The following TENM4 variants were observed in gnomAD, a reference collection of about 807,000 sequenced individuals.
TENM4 encodes the protein teneurin transmembrane protein 4, also known as teneurin-4.
A neutral mutation model predicts 243.3 loss-of-function variants in TENM4; 82 were observed. The observed-to-expected ratio is 0.34, with a 90% CI of 0.28 to 0.40. The LOEUF (loss-of-function observed/expected upper bound fraction) is 0.40. Ranked by LOEUF, TENM4 falls within the 10% of genes least tolerant of loss-of-function variation. The pLI, the probability that TENM4 is intolerant of heterozygous loss-of-function variation, is 1.00. For missense variants in TENM4, 3,138 were observed against 3,673.3 expected (o/e 0.85, Z 3.77); for synonymous variants, 1,412 against 1,456.3 (o/e 0.97, Z 0.69).
chr11:79,289,592 TGCA>T (rs1297707375), intron 2 of TENM4, among the ~76,000 whole-genome samples: 2 of 152,246 alleles, frequency 1.3e-5, no homozygotes, highest in African/African-American at 4.8e-5. Context: ...GTGATTGCTT[TGCA>T]GCTCAACTCC....
chr11:79,321,290 T>C (rs1160664244), intron 1 of TENM4, among the ~76,000 whole-genome samples: 2 of 152,130 alleles, frequency 1.3e-5, no homozygotes, highest in South Asian at 4.2e-4. Context: ...GCCTTCAGAC[T>C]CAACACATGC....
chr11:78,951,581 C>T (rs2705232), intron 6 of TENM4, among the ~76,000 whole-genome samples: 3 of 152,162 alleles, frequency 2.0e-5, no homozygotes, highest in Admixed American at 1.3e-4. Flanking sequence ...GATCAAGGTT[C>T]TGATGGGATT....
chr11:78,793,722 T>G (rs627195), intron 15 of TENM4, among the ~76,000 whole-genome samples: 129,862 of 152,250 alleles, frequency 0.85, 56,166 homozygotes, highest in African/African-American at 0.91. Context: ...TTAAATTCTC[T>G]CAATAGTCCT....
At chr11:78,867,867 T>C (rs776288650) in intron 9 of TENM4, among the ~76,000 whole-genome samples, 1 of 152,124 alleles carries the variant, frequency 6.6e-6, no homozygotes, top group Non-Finnish European at 1.5e-5. Context: ...CTCAGGACCC[T>C]GTGCTCCCAA....
chr11:78,850,580 A>C (rs1207441772), intron 12 of TENM4, among the ~76,000 whole-genome samples: 1 of 152,254 alleles, frequency 6.6e-6, no homozygotes, highest in African/African-American at 2.4e-5. Flanking sequence ...AGCGGGATTA[A>C]TAGCAACATC....
intron 4 of TENM4, among the ~76,000 whole-genome samples, chr11:79,110,868 C>G (rs1251506460): frequency 3.3e-5 from 5 of 152,222 alleles, no homozygotes; most frequent in Non-Finnish European, 7.3e-5. Context: ...GGGCTCTGCA[C>G]TATGCAAGAT....
intron 6 of TENM4, among the ~76,000 whole-genome samples, chr11:79,057,180 T>A (rs947277130): frequency 4.6e-5 from 7 of 152,128 alleles, no homozygotes; most frequent in Admixed American, 4.6e-4. Flanking sequence ...CAACACAGCT[T>A]CCAGAATCAT....
chr11:79,216,124 T>G (rs967401380), intron 2 of TENM4, among the ~76,000 whole-genome samples: 3 of 152,210 alleles, frequency 2.0e-5, no homozygotes, highest in African/African-American at 7.2e-5. Context: ...CCTGAGAGGC[T>G]CAAATGTACC....
Position 78,726,251 on chromosome 11 carries a change from A to G in TENM4, c.3407-29T>C, listed in dbSNP as rs149958893. The G allele has an allele frequency of 1.4e-4, 226 of 1,610,268 alleles. No homozygotes were observed. In the African/African-American group the frequency reaches 2.1e-3, roughly 15 times the overall value. ...TAGGTGACAGAATGAGGCAAAATGC[A>G]TAAGTGAGCAAAGCCCACTCTTTGG... is the stretch of plus-strand genomic sequence containing the variant. On this transcript the variant is annotated intron_variant, in intron 22 of 33. Transcript: ENST00000278550.
intron 6 of TENM4, among the ~76,000 whole-genome samples, chr11:78,999,765 C>G (rs1047129228): frequency 6.6e-6 from 1 of 151,598 alleles, no homozygotes; most frequent in African/African-American, 2.4e-5. Flanking sequence ...CAACATTAAG[C>G]CCAACAACAA....
chr11:78,873,044 C>T (rs995433470), intron 9 of TENM4, among the ~76,000 whole-genome samples: 18 of 152,180 alleles, frequency 1.2e-4, no homozygotes, highest in Admixed American at 1.1e-3. Context: ...TTCAAAATAG[C>T]ACTTTAAAAT....
chr11:79,005,725 G>T (rs1485118699), intron 6 of TENM4, among the ~76,000 whole-genome samples: 1 of 152,120 alleles, frequency 6.6e-6, no homozygotes, highest in Non-Finnish European at 1.5e-5. Flanking sequence ...ATCCAACACA[G>T]TTCTTGAAGT....
chr11:79,220,043 C>T (rs1864128065), intron 2 of TENM4, among the ~76,000 whole-genome samples: 1 of 152,194 alleles, frequency 6.6e-6, no homozygotes, highest in Non-Finnish European at 1.5e-5. Flanking sequence ...GATACAGAAA[C>T]CCGGGAGAAA....
At chr11:79,199,775 GT>G (rs1308025808) in intron 3 of TENM4, among the ~76,000 whole-genome samples, 1 of 152,180 alleles carries the variant, frequency 6.6e-6, no homozygotes, top group Non-Finnish European at 1.5e-5. Context: ...GTCCCGGAGG[GT>G]TTAGTCCCAG....
intron 9 of TENM4, among the ~76,000 whole-genome samples, chr11:78,876,328 C>T (rs1314713358): frequency 1.3e-5 from 2 of 152,220 alleles, no homozygotes. Flanking sequence ...TAGTTTTATA[C>T]TGAAAGTCTT....
At chr11:78,751,934 T>G (rs1856199452) in intron 19 of TENM4, among the ~76,000 whole-genome samples, 1 of 152,082 alleles carries the variant, frequency 6.6e-6, no homozygotes, top group Admixed American at 6.5e-5. Flanking sequence ...TCCCCATGAC[T>G]CCATGGGAGG....
chr11:78,925,220 G>A (rs1856528300), intron 6 of TENM4, among the ~76,000 whole-genome samples: 1 of 152,002 alleles, frequency 6.6e-6, no homozygotes, highest in Admixed American at 6.6e-5. Flanking sequence ...CTTCAGAGTT[G>A]GATGTCTGAG....
intron 18 of TENM4, among the ~76,000 whole-genome samples, chr11:78,760,645 G>A (rs964734769): frequency 2.0e-4 from 30 of 152,172 alleles, no homozygotes; most frequent in Non-Finnish European, 5.9e-5. Context: ...CACCATGGCC[G>A]TTTAATTAGT....
intron 18 of TENM4, among the ~76,000 whole-genome samples, chr11:78,760,652 T>G (rs1275385660): frequency 6.6e-6 from 1 of 152,172 alleles, no homozygotes; most frequent in Non-Finnish European, 1.5e-5. Context: ...GCCGTTTAAT[T>G]AGTATTTGTG....
Sources: allele counts gnomAD v4.1 joint callset (sites outside exome capture counted in the v4.1 genomes callset), GRCh38; gene constraint gnomAD v4.1.1; transcripts MANE v1.5; gene names NCBI Gene and HGNC (gene_info 2026-07-23, HGNC 2026-07-21).